Variants in SLC14A2 observed in about 807,000 individuals in gnomAD.
SLC14A2 encodes the protein solute carrier family 14 member 2.
Under a neutral mutation model 104.6 loss-of-function variants are expected in SLC14A2, and 91 were observed. That is an observed-to-expected ratio of 0.87 (90% CI 0.73 to 1.04). The LOEUF (loss-of-function observed/expected upper bound fraction) is 1.04, where lower values mean the gene tolerates loss of function less well. Ranked by LOEUF, SLC14A2 falls within the 50% of genes least tolerant of loss-of-function variation. The pLI is 0.00. For missense variants in SLC14A2, 1,189 were observed against 1,156.0 expected (o/e 1.03, Z -0.41); for synonymous variants, 476 against 466.4 (o/e 1.02, Z -0.27).
At chr18:45,433,502 C>T (rs1362352667) in intron 1 of SLC14A2, among the ~76,000 whole-genome samples, 1 of 152,142 alleles carries the variant, frequency 6.6e-6, no homozygotes, top group African/African-American at 2.4e-5. Context: ...TTCTGAAACA[C>T]CAGGGGACTC....
At chr18:45,475,638 T>A (rs111626313) in intron 1 of SLC14A2, among the ~76,000 whole-genome samples, 3 of 17,258 alleles carry the variant, frequency 1.7e-4, no homozygotes, top group Non-Finnish European at 3.7e-4. Flanking sequence ...ATATATATAT[T>A]TAGGATATAT....
At chr18:45,381,731 T>A (rs566734363) in intron 1 of SLC14A2, among the ~76,000 whole-genome samples, 1 of 151,834 alleles carries the variant, frequency 6.6e-6, no homozygotes. Flanking sequence ...ACTCCGGGGG[T>A]TGGGGGGCAG....
intron 14 of SLC14A2, 21 bp downstream of exon 14, chr18:45,668,043 G>T (rs1224441793): frequency 6.2e-7 from 1 of 1,609,166 alleles, no homozygotes; most frequent in Admixed American, 1.7e-5. Flanking sequence ...GAGGCTCAGG[G>T]TCCAAACATG....
At chr18:45,660,983 T>TCC (rs1227400546) in intron 10 of SLC14A2, among the ~76,000 whole-genome samples, 1 of 152,242 alleles carries the variant, frequency 6.6e-6, no homozygotes, top group East Asian at 1.9e-4. Context: ...GCTGCTGCCC[T>TCC]CCCTGGGTGG....
intron 1 of SLC14A2, among the ~76,000 whole-genome samples, chr18:45,214,021 G>C (rs1262944277): frequency 6.6e-6 from 1 of 152,202 alleles, no homozygotes; most frequent in African/African-American, 2.4e-5. Flanking sequence ...ATAAAAGGAA[G>C]GGTATAGGTA....
the SLC14A2 span, among the ~76,000 whole-genome samples, chr18:45,175,667 C>G: frequency 6.6e-6 from 1 of 152,124 alleles, no homozygotes; most frequent in African/African-American, 2.4e-5. Flanking sequence ...GTAAGTCACA[C>G]CACAAGCTGT....
At chr18:45,537,056 TCCC>T (rs2043802382) in intron 2 of SLC14A2, among the ~76,000 whole-genome samples, 17 of 42,622 alleles carry the variant, frequency 4.0e-4, no homozygotes, top group African/African-American at 6.6e-4. Flanking sequence ...CCTCCCTCCC[TCCC>T]TCCCTCCCTT....
intron 1 of SLC14A2, among the ~76,000 whole-genome samples, chr18:45,291,511 G>T (rs2084869170): frequency 6.6e-6 from 1 of 152,184 alleles, no homozygotes; most frequent in Non-Finnish European, 1.5e-5. Flanking sequence ...TTACGCAGAA[G>T]CTCAGCCGTT....
chr18:45,677,946 G>A (rs1468984591), intron 18 of SLC14A2, among the ~76,000 whole-genome samples: 1 of 152,160 alleles, frequency 6.6e-6, no homozygotes, highest in Non-Finnish European at 1.5e-5. Flanking sequence ...AGCCTCCCAA[G>A]TAGCTGAGAT....
intron 2 of SLC14A2, among the ~76,000 whole-genome samples, chr18:45,569,996 TAG>T (rs1491239798): frequency 2.0e-5 from 3 of 152,182 alleles, no homozygotes; most frequent in South Asian, 2.1e-4. Flanking sequence ...TGCTAAATTA[TAG>T]AGTCATCAAA....
chr18:45,241,677 CTT>C (rs1404171717), intron 1 of SLC14A2, among the ~76,000 whole-genome samples: 2 of 108,892 alleles, frequency 1.8e-5, no homozygotes, highest in Non-Finnish European at 3.5e-5. Context: ...GAGTTTCACT[CTT>C]GTTGCCCAGG....
intron 2 of SLC14A2, among the ~76,000 whole-genome samples, chr18:45,485,707 T>TA (rs2087590277): frequency 6.6e-6 from 1 of 152,208 alleles, no homozygotes; most frequent in Non-Finnish European, 1.5e-5. Context: ...GGTCTTTTCC[T>TA]AGCTAACTTT....
intron 1 of SLC14A2, among the ~76,000 whole-genome samples, chr18:45,397,055 C>A (rs1385515732): frequency 6.6e-6 from 1 of 152,150 alleles, no homozygotes; most frequent in Non-Finnish European, 1.5e-5. Flanking sequence ...TTTTCTTTAT[C>A]CAGTCTGTCA....
chr18:45,311,484 G>A (rs2085078471), intron 1 of SLC14A2, among the ~76,000 whole-genome samples: 1 of 152,152 alleles, frequency 6.6e-6, no homozygotes, highest in African/African-American at 2.4e-5. Context: ...CCAAGGCAGG[G>A]TAACTATATG....
intron 1 of SLC14A2, among the ~76,000 whole-genome samples, chr18:45,334,653 T>C (rs1256927802): frequency 6.6e-6 from 1 of 152,212 alleles, no homozygotes; most frequent in African/African-American, 2.4e-5. Flanking sequence ...TTTGCCTTGA[T>C]CTTTCTTTTC....
At chr18:45,210,642 G>A (rs1022441425), upstream of SLC14A2, among the ~76,000 whole-genome samples, 1 of 152,176 alleles carries the variant, frequency 6.6e-6, no homozygotes, top group African/African-American at 2.4e-5. Flanking sequence ...CAGGCATTTT[G>A]AATGTCATCT....
chr18:45,232,036 TA>T (rs113423302), intron 1 of SLC14A2, among the ~76,000 whole-genome samples: 25,200 of 142,646 alleles, frequency 0.18, 2,095 homozygotes, highest in Middle Eastern at 0.21. Context: ...ATTGCAATAG[TA>T]AAAAAAAAAA....
At chr18:45,286,225 A>G (rs887484957) in intron 1 of SLC14A2, among the ~76,000 whole-genome samples, 1 of 152,162 alleles carries the variant, frequency 6.6e-6, no homozygotes, top group Non-Finnish European at 1.5e-5. Flanking sequence ...TACTGTTAGC[A>G]TCCTCTTTAC....
chr18:45,655,288 G>T lies in SLC14A2; in HGVS notation c.1352-8497G>T, dbSNP rs76499109. 8.7e-3 allele frequency among the ~76,000 whole-genome samples: 1,326 copies of T among 152,322 alleles called. 15 individuals carry two copies. The highest frequency in any genetic ancestry group is 0.031 in the African/African-American group (1,273 of 41,568). ...CTCTGATCAGAGAATGGACAGCCTT[G>T]TAAAGTATGTGATATCCTCCAAAAC... On this transcript the variant is annotated intron_variant, in intron 10 of 19. Transcript: ENST00000255226.
Sources: gnomAD v4.1 joint callset for allele counts (sites outside exome capture counted in the v4.1 genomes callset) on GRCh38, gnomAD v4.1.1 for gene constraint, MANE v1.5 for transcripts, NCBI Gene and HGNC (gene_info 2026-07-23, HGNC 2026-07-21) for gene names.